The following PDGFRA variants were observed in gnomAD, a reference collection of about 807,000 sequenced individuals.
PDGFRA encodes the protein platelet-derived growth factor receptor alpha.
Under a neutral mutation model 121.5 loss-of-function variants are expected in PDGFRA, and 25 were observed. The ratio of observed to expected loss-of-function variants is 0.21; its 90% CI spans 0.15 to 0.29. The LOEUF (loss-of-function observed/expected upper bound fraction) is 0.29, where lower values mean the gene tolerates loss of function less well. Ranked by LOEUF, PDGFRA falls within the 10% of genes least tolerant of loss-of-function variation. PDGFRA has a pLI of 1.00. For missense variants in PDGFRA, 1,008 were observed against 1,345.1 expected (o/e 0.75, Z 3.92); for synonymous variants, 463 against 494.8 (o/e 0.94, Z 0.85).
chr4:54,258,314 A>C (rs1722486077), intron 1 of PDGFRA, among the ~76,000 whole-genome samples: 1 of 152,110 alleles, frequency 6.6e-6, no homozygotes. Context: ...AAGTTTCAGA[A>C]ATTCTAGGTC....
At chr4:54,281,777 C>T in intron 16 of PDGFRA, 1 of 1,327,906 alleles carries the variant, frequency 7.5e-7, no homozygotes, top group Non-Finnish European at 9.8e-7. Flanking sequence ...TGCCTTCTTC[C>T]TCGAAAACCC....
At chr4:54,242,515 T>TA (rs1234089629) in intron 1 of PDGFRA, among the ~76,000 whole-genome samples, 1 of 152,150 alleles carries the variant, frequency 6.6e-6, no homozygotes, top group Admixed American at 6.5e-5. Context: ...TCAGCTTAAT[T>TA]AAAAATGGAT....
chr4:54,271,993 C>T (rs1307134604), intron 8 of PDGFRA, among the ~76,000 whole-genome samples: 5 of 8,166 alleles, frequency 6.1e-4, no homozygotes, highest in Non-Finnish European at 9.7e-4. Context: ...CCTCCCCTCC[C>T]CCCTCCCCCC....
chr4:54,273,658 A>G lies in PDGFRA; in HGVS notation c.1486A>G (p.Thr496Ala), dbSNP rs778784351. ...GRVTFAKVEE[T>A]IAVRCLAKNL... ...TGTGACTTTCGCCAAAGTGGAGGAGACCATCGCCGTGCGATGCCTGGCTAA... is the reference window on the plus strand; with the variant it reads ...TGTGACTTTCGCCAAAGTGGAGGAGGCCATCGCCGTGCGATGCCTGGCTAA... Residue 496 changes from threonine to alanine, a missense_variant, in exon 10 of 23, where the codon ACC becomes GCC. By Grantham distance (58) the Thr-to-Ala change is moderately conservative. This residue lies in a region of PDGFRA where 575 missense variants were observed against 701.8 expected (regional missense o/e 0.82). Coordinates refer to ENST00000257290, the MANE Select transcript of PDGFRA (RefSeq NM_006206.6). 1 of 1,613,986 alleles carries G rather than the reference A, an allele frequency of 6.2e-7. No homozygotes were observed. The highest frequency in any genetic ancestry group is 2.2e-5 in the East Asian group (1 of 44,866).
At chr4:54,248,909 A>T (rs1368953349) in intron 1 of PDGFRA, among the ~76,000 whole-genome samples, 4 of 152,236 alleles carry the variant, frequency 2.6e-5, no homozygotes, top group African/African-American at 4.8e-5. Flanking sequence ...TGGGCAAAGG[A>T]CATGAACAGA....
In PDGFRA at chr4:54,277,906, A is replaced by C. The variant is rs778818973; in HGVS notation, c.1902A>C (p.Arg634Ser). ...TTATTCTTTCAACAGCCACGGCCAGATCCAGTGAAAAACAAGCTCTCATGT... is the reference window on the plus strand; with the variant it reads ...TTATTCTTTCAACAGCCACGGCCAGCTCCAGTGAAAAACAAGCTCTCATGT... ...VAVKMLKPTARSSEKQALMSE... is the reference protein window; with the variant it reads ...VAVKMLKPTASSSEKQALMSE... Residue 634 changes from arginine (R) to serine (S), a missense_variant, in exon 14 of 23, where the codon AGA becomes AGC. By Grantham distance (110) the Arg-to-Ser change is moderately radical. Around this residue, in one of 5 missense-constraint regions of PDGFRA, gnomAD observed 61 missense variants for 125.3 expected, o/e 0.49. Coordinates refer to ENST00000257290, the MANE Select transcript of PDGFRA (RefSeq NM_006206.6). 4.3e-6 allele frequency: 7 copies of C among 1,610,734 alleles called. No homozygotes were observed. Among genetic ancestry groups the C allele is most frequent in the African/African-American group, 1.3e-5 (1 of 74,838 alleles).
intron 3 of PDGFRA, 83 bp downstream of exon 3, chr4:54,261,495 TA>T: frequency 2.5e-6 from 2 of 785,858 alleles, no homozygotes; most frequent in East Asian, 2.8e-5. Context: ...AACATATATA[TA>T]AATAATTAAT....
At chr4:54,233,074 A>C (rs1577664886) in intron 1 of PDGFRA, among the ~76,000 whole-genome samples, 5 of 121,194 alleles carry the variant, frequency 4.1e-5, no homozygotes, top group South Asian at 5.7e-4. Flanking sequence ...CTCTCTCCAC[A>C]CCCGCCCGGC....
At chr4:54,295,087 C>G in intron 22 of PDGFRA, 38 bp from the exon 23 acceptor site, 1 of 1,600,864 alleles carries the variant, frequency 6.2e-7, no homozygotes, top group Non-Finnish European at 8.6e-7. Context: ...TAGTTCTGTG[C>G]AGGAGTTGTA....
chr4:54,294,689 A>G (rs1454365073), intron 22 of PDGFRA, among the ~76,000 whole-genome samples: 1 of 152,032 alleles, frequency 6.6e-6, no homozygotes, highest in Non-Finnish European at 1.5e-5. Context: ...ATTCCAGGCA[A>G]GTGGCAGGAG....
At chr4:54,285,748 C>G in intron 17 of PDGFRA, 93 bp from the exon 18 acceptor site, 1 of 1,381,144 alleles carries the variant, frequency 7.2e-7, no homozygotes, top group Non-Finnish European at 1.0e-6. Context: ...CAGACAGCTC[C>G]AAGTGCCACC....
Position 54,288,809 on chromosome 4 carries a change from T to A in PDGFRA, c.2685T>A (p.Pro895=), listed in dbSNP as rs748924083. 6.2e-7 allele frequency: 1 copy of A among 1,610,366 alleles called. No individual in the cohort carries two copies. The highest frequency in any genetic ancestry group is 1.1e-5 in the South Asian group (1 of 91,008). ...LWEIFSLGGT[P]YPGMMVDSTF... ...TTGTTTGGCTTTTAGGTGGCACCCCTTACCCCGGCATGATGGTGGATTCTA... is the reference window on the plus strand; with the variant it reads ...TTGTTTGGCTTTTAGGTGGCACCCCATACCCCGGCATGATGGTGGATTCTA... The change falls in exon 20 of 23, where the codon CCT becomes CCA. Residue 895 remains proline (P), a synonymous_variant. Transcript: ENST00000257290.
chr4:54,240,141 CT>C (rs959981578), intron 1 of PDGFRA: 6 of 272,756 alleles, frequency 2.2e-5, no homozygotes, highest in African/African-American at 1.4e-4. Flanking sequence ...GTGTGAGCCA[CT>C]GCACCTGGCC....
chr4:54,288,550 C>T (rs750302313), intron 19 of PDGFRA, among the ~76,000 whole-genome samples: 22 of 152,206 alleles, frequency 1.4e-4, no homozygotes, highest in African/African-American at 4.6e-4. Context: ...AACACTTGAA[C>T]GCTTATTTCT....
chr4:54,270,870 C>T (rs1723312415), intron 8 of PDGFRA, 122 bp downstream of exon 8: 4 of 698,996 alleles, frequency 5.7e-6, no homozygotes, highest in Non-Finnish European at 1.0e-5. Context: ...GCAGTGTCTG[C>T]ATATGTCACA....
chr4:54,242,565 A>G (rs770527745), intron 1 of PDGFRA, among the ~76,000 whole-genome samples: 7 of 152,050 alleles, frequency 4.6e-5, no homozygotes, highest in Non-Finnish European at 1.0e-4. Context: ...ACACACATAT[A>G]TATGTATGTA....
intron 17 of PDGFRA, 97 bp from the exon 18 acceptor site, chr4:54,285,744 G>A (rs2110336843): frequency 1.5e-6 from 2 of 1,331,964 alleles, no homozygotes; most frequent in Admixed American, 1.7e-5. Context: ...CAGGCAGACA[G>A]CTCCAAGTGC....
intron 1 of PDGFRA, among the ~76,000 whole-genome samples, chr4:54,248,745 C>T (rs960494145): frequency 6.6e-6 from 1 of 152,104 alleles, no homozygotes; most frequent in African/African-American, 2.4e-5. Flanking sequence ...AGAGCTTCTG[C>T]ACAGTGAAAG....
intron 3 of PDGFRA, among the ~76,000 whole-genome samples, chr4:54,261,932 T>TATATATATATA (rs1553902514): frequency 5.6e-5 from 2 of 35,518 alleles, no homozygotes; most frequent in African/African-American, 2.1e-4. Context: ...TATATATATA[T>TATATATATATA]TTTTTTTTTT....
Sources: allele counts gnomAD v4.1 joint callset (sites outside exome capture counted in the v4.1 genomes callset), GRCh38; gene constraint gnomAD v4.1.1; regional missense constraint gnomAD v4.1.1; transcripts MANE v1.5; gene names NCBI Gene and HGNC (gene_info 2026-07-23, HGNC 2026-07-21).